Variants in NT5C2 observed in about 807,000 individuals in gnomAD.
The protein encoded by NT5C2 is 5'-nucleotidase, cytosolic II.
In NT5C2, 58 loss-of-function variants were observed where a neutral mutation model predicts 76.1. The observed-to-expected ratio is 0.76, with a 90% CI of 0.62 to 0.95. NT5C2 has a LOEUF of 0.95. NT5C2 is among the 40% of genes least tolerant of loss of function. NT5C2 has a pLI of 0.00. For missense variants in NT5C2, 478 were observed against 690.3 expected (o/e 0.69, Z 3.45); for synonymous variants, 229 against 237.4 (o/e 0.96, Z 0.32).
intron 2 of NT5C2, among the ~76,000 whole-genome samples, chr10:103,176,471 C>G (rs2134987620): frequency 6.6e-6 from 1 of 152,238 alleles, no homozygotes; most frequent in South Asian, 2.1e-4. Flanking sequence ...GCTTATACTC[C>G]CAAACATTGC....
chr10:103,113,545 C>T (rs1156416235), intron 4 of NT5C2, among the ~76,000 whole-genome samples: 2 of 151,740 alleles, frequency 1.3e-5, no homozygotes, highest in African/African-American at 4.8e-5. Context: ...AATGCCTATA[C>T]TAAAGTTAGA....
At chr10:103,166,320 C>T (rs1215540279) in intron 3 of NT5C2, among the ~76,000 whole-genome samples, 1 of 152,178 alleles carries the variant, frequency 6.6e-6, no homozygotes, top group Admixed American at 6.5e-5. Context: ...CCCCTAGCAA[C>T]CATTAATTTA....
chr10:103,150,897 T>A (rs1295765374), intron 3 of NT5C2, among the ~76,000 whole-genome samples: 1 of 152,242 alleles, frequency 6.6e-6, no homozygotes, highest in Non-Finnish European at 1.5e-5. Flanking sequence ...TCTCCCAGTC[T>A]GCAGCTTGCC....
intron 6 of NT5C2, chr10:103,105,370 G>T: frequency 1.0e-6 from 1 of 958,574 alleles, no homozygotes; most frequent in Non-Finnish European, 1.4e-6. Flanking sequence ...CTTCTGAACA[G>T]CTACCTGAGA....
At chr10:103,138,144 T>C (rs732998) in intron 4 of NT5C2, among the ~76,000 whole-genome samples, 14,359 of 152,200 alleles carry the variant, frequency 0.094, 889 homozygotes, top group East Asian at 0.28. Flanking sequence ...ATATTTGTCA[T>C]GGAGTTTCAA....
chr10:103,104,382 CCTTAT>C (rs1300108303), intron 6 of NT5C2, among the ~76,000 whole-genome samples: 1 of 152,166 alleles, frequency 6.6e-6, no homozygotes. Context: ...CCTACCCCTC[CCTTAT>C]AATACAAAAA....
chr10:103,133,106 C>T (rs539040786), intron 4 of NT5C2, among the ~76,000 whole-genome samples: 8 of 152,204 alleles, frequency 5.3e-5, no homozygotes, highest in African/African-American at 1.7e-4. Flanking sequence ...CTGCTGTTCT[C>T]GTGATAGTGA....
intron 2 of NT5C2, among the ~76,000 whole-genome samples, chr10:103,176,971 T>C (rs1326078316): frequency 6.6e-6 from 1 of 152,174 alleles, no homozygotes; most frequent in African/African-American, 2.4e-5. Flanking sequence ...ATAAAACTTT[T>C]AATGGCCAAA....
chr10:103,162,516 T>C (rs2085180127), intron 3 of NT5C2, among the ~76,000 whole-genome samples: 1 of 152,196 alleles, frequency 6.6e-6, no homozygotes, highest in Non-Finnish European at 1.5e-5. Context: ...GATGCCACTA[T>C]GTATACACTA....
intron 4 of NT5C2, among the ~76,000 whole-genome samples, chr10:103,138,311 G>A (rs2079690577): frequency 6.6e-6 from 1 of 152,186 alleles, no homozygotes; most frequent in East Asian, 1.9e-4. Context: ...TACATATGCA[G>A]AATGTGCAGG....
chr10:103,188,575 C>T (rs2092321016), intron 1 of NT5C2, among the ~76,000 whole-genome samples: 3 of 152,140 alleles, frequency 2.0e-5, no homozygotes, highest in South Asian at 2.1e-4. Flanking sequence ...AGGCATTGAA[C>T]GTGGAAGACT....
intron 3 of NT5C2, among the ~76,000 whole-genome samples, chr10:103,161,869 C>A (rs567043759): frequency 6.6e-6 from 1 of 151,974 alleles, no homozygotes; most frequent in African/African-American, 2.4e-5. Flanking sequence ...GTGGCTGACA[C>A]GGGCTGGAGA....
At chr10:103,103,145 A>G (rs1324164700) in intron 6 of NT5C2, among the ~76,000 whole-genome samples, 5 of 152,206 alleles carry the variant, frequency 3.3e-5, no homozygotes. Context: ...TTAACAATGT[A>G]AATAAAGGAA....
At chr10:103,159,353 C>A (rs948277633) in intron 3 of NT5C2, among the ~76,000 whole-genome samples, 1 of 149,794 alleles carries the variant, frequency 6.7e-6, no homozygotes, top group Non-Finnish European at 1.5e-5. Flanking sequence ...ATACAAAAAA[C>A]CAGTTGTGTT....
At chr10:103,093,539 C>T (rs2067419276) in intron 14 of NT5C2, among the ~76,000 whole-genome samples, 1 of 152,192 alleles carries the variant, frequency 6.6e-6, no homozygotes, top group Non-Finnish European at 1.5e-5. Context: ...AACAAAACTA[C>T]ATCCTCAGCT....
At chr10:103,097,244 C>A (rs2068431051) in intron 11 of NT5C2, 47 bp downstream of exon 11, 6 of 1,381,758 alleles carry the variant, frequency 4.3e-6, no homozygotes, top group Non-Finnish European at 6.1e-6. Flanking sequence ...GTTCTTTAGG[C>A]CAAAATAATT....
intron 6 of NT5C2, among the ~76,000 whole-genome samples, 188 bp from the exon 7 acceptor site, chr10:103,101,514 ATTTTTTT>A (rs201575845): frequency 2.8e-5 from 4 of 143,662 alleles, no homozygotes; most frequent in African/African-American, 1.0e-4. Flanking sequence ...TTTAATTTTA[ATTTTTTT>A]TTTTTTTTAA....
chr10:103,144,860 C>CT (rs2081205148), intron 3 of NT5C2, among the ~76,000 whole-genome samples: 1 of 152,140 alleles, frequency 6.6e-6, no homozygotes, highest in South Asian at 2.1e-4. Flanking sequence ...ACCAAATATC[C>CT]TTTATCTTTC....
chr10:103,133,320 T>A (rs1351556691), intron 4 of NT5C2, among the ~76,000 whole-genome samples: 2 of 151,974 alleles, frequency 1.3e-5, no homozygotes, highest in Admixed American at 6.6e-5. Flanking sequence ...CAGGCCGGAG[T>A]GCAGTGGCAC....
Sources: allele counts gnomAD v4.1 joint callset (sites outside exome capture counted in the v4.1 genomes callset), GRCh38; gene constraint gnomAD v4.1.1; transcripts MANE v1.5; gene names NCBI Gene and HGNC (gene_info 2026-07-23, HGNC 2026-07-21).